Variants in DIP2C observed in about 807,000 individuals in gnomAD.
DIP2C encodes DIP2 acetate--CoA ligase C (putative).
DIP2C carries 33 observed loss-of-function variants against 192.4 expected under a neutral mutation model. The ratio of observed to expected loss-of-function variants is 0.17; its 90% confidence interval spans 0.13 to 0.23. The LOEUF is 0.23. Ranked by LOEUF, DIP2C falls within the 10% of genes least tolerant of loss-of-function variation. The pLI, the probability that DIP2C is intolerant of heterozygous loss-of-function variation, is 1.00. For missense variants in DIP2C, 1,537 were observed against 2,110.1 expected, an observed-to-expected ratio of 0.73 and a Z score of 5.32; for synonymous variants, 979 against 864.1, an observed-to-expected ratio of 1.13 and a Z score of -2.33.
At chr10:359,228 T>G (rs1959198287) in intron 22 of DIP2C, among the ~76,000 whole-genome samples, 1 of 152,222 alleles carries the variant, frequency 6.6e-6, no homozygotes, top group African/African-American at 2.4e-5. Flanking sequence ...AGTCAGGGCC[T>G]GACGTCCTCT....
chr10:622,094 A>G (rs947814830), intron 1 of DIP2C, among the ~76,000 whole-genome samples: 59 of 151,304 alleles, frequency 3.9e-4, no homozygotes, highest in Non-Finnish European at 1.0e-4. Flanking sequence ...TTTAGGACAC[A>G]TTAAGGAAAG....
In DIP2C at chr10:415,837, G is replaced by T. The variant is rs1428309206; in HGVS notation, c.791C>A (p.Thr264Asn). 1 of 1,613,806 alleles carries T rather than the reference G, an allele frequency of 6.2e-7. No homozygotes were observed. Among genetic ancestry groups the T allele is most frequent in the Non-Finnish European group, 8.5e-7 (1 of 1,179,970 alleles). The change falls in exon 7 of 37, where the codon ACC becomes AAC. Residue 264 changes from threonine (T) to asparagine (N), a missense_variant. This residue lies in a region of DIP2C where 473 missense variants were observed against 539.6 expected (regional missense o/e 0.88). Coordinates refer to ENST00000280886, the MANE Select transcript of DIP2C (RefSeq NM_014974.3). ...AGGTGGTCGTTTCGGTCGTTTGAGG[G>T]TATTGACAAGCTGCTGGATTTTTGC... ...VSAKIQQLVN[T>N]LKRPKRPPLR...
At chr10:580,130 G>A (rs907464079) in intron 1 of DIP2C, among the ~76,000 whole-genome samples, 13 of 152,208 alleles carry the variant, frequency 8.5e-5, no homozygotes, top group East Asian at 1.9e-4. Context: ...CTATATACAT[G>A]CATATAGTGT....
At chr10:345,307 C>T (rs981618522) in intron 26 of DIP2C, among the ~76,000 whole-genome samples, 197 bp from the exon 27 acceptor site, 2 of 152,260 alleles carry the variant, frequency 1.3e-5, no homozygotes, top group Non-Finnish European at 2.9e-5. Context: ...GCAGGGCATG[C>T]GGCCTGAAGC....
At chr10:307,467 TGGAGGA>T (rs1956374081) in intron 32 of DIP2C, among the ~76,000 whole-genome samples, 4 of 151,912 alleles carry the variant, frequency 2.6e-5, no homozygotes, top group African/African-American at 9.7e-5. Context: ...GGGGCTGGCT[TGGAGGA>T]CTGGAGAAAA....
At chr10:539,510 CTTGG>C (rs900624445) in intron 1 of DIP2C, among the ~76,000 whole-genome samples, 8 of 152,188 alleles carry the variant, frequency 5.3e-5, no homozygotes, top group Admixed American at 4.6e-4. Context: ...GCCCACAGAC[CTTGG>C]TATCCATAGG....
chr10:330,117 C>G (rs561159796), intron 29 of DIP2C, among the ~76,000 whole-genome samples: 2 of 152,186 alleles, frequency 1.3e-5, no homozygotes, highest in South Asian at 4.2e-4. Flanking sequence ...AAAATATTTA[C>G]CAAACAGCAA....
chr10:470,260 TTG>T (rs1970522542), intron 3 of DIP2C, among the ~76,000 whole-genome samples: 1 of 151,912 alleles, frequency 6.6e-6, no homozygotes, highest in African/African-American at 2.4e-5. Context: ...ACGGGAGAGA[TTG>T]TGTGTGAAGA....
intron 1 of DIP2C, among the ~76,000 whole-genome samples, chr10:640,329 T>C (rs1027793342): frequency 2.1e-4 from 32 of 152,278 alleles, no homozygotes; most frequent in African/African-American, 7.7e-4. Context: ...GATGGCCAAG[T>C]GTTAGATAAT....
intron 34 of DIP2C, among the ~76,000 whole-genome samples, chr10:284,459 G>A (rs1048084142): frequency 4.6e-5 from 7 of 152,340 alleles, no homozygotes; most frequent in Non-Finnish European, 7.3e-5. Flanking sequence ...CAGCATGGAT[G>A]TACCTGGAAG....
At chr10:337,774 A>G (rs12773603) in intron 29 of DIP2C, among the ~76,000 whole-genome samples, 126,125 of 129,854 alleles carry the variant, frequency 0.97, 61,266 homozygotes, top group Non-Finnish European at 0.99. Flanking sequence ...GTGTTCTGTG[A>G]AGGCCTAGGC....
At chr10:662,343 C>T (rs1463426568) in intron 1 of DIP2C, among the ~76,000 whole-genome samples, 1 of 152,220 alleles carries the variant, frequency 6.6e-6, no homozygotes, top group Admixed American at 6.5e-5. Flanking sequence ...TGCCAGATAA[C>T]GCGGACAAAG....
intron 1 of DIP2C, among the ~76,000 whole-genome samples, chr10:585,699 C>CT (rs1850980921): frequency 6.6e-6 from 1 of 152,180 alleles, no homozygotes; most frequent in African/African-American, 2.4e-5. Flanking sequence ...AACCACCACT[C>CT]TGCTCTCTAC....
At chr10:465,731 T>C (rs1006173707) in intron 3 of DIP2C, among the ~76,000 whole-genome samples, 8 of 151,768 alleles carry the variant, frequency 5.3e-5, no homozygotes, top group African/African-American at 1.2e-4. Flanking sequence ...ACAAGCATTC[T>C]TATACACCAA....
At chr10:422,580 G>A (rs551798552) in intron 5 of DIP2C, among the ~76,000 whole-genome samples, 2 of 152,316 alleles carry the variant, frequency 1.3e-5, no homozygotes, top group South Asian at 4.1e-4. Flanking sequence ...AGAAAAGATG[G>A]GAGCGGATAC....
intron 1 of DIP2C, among the ~76,000 whole-genome samples, chr10:553,531 G>C (rs1246917368): frequency 6.6e-6 from 1 of 152,222 alleles, no homozygotes; most frequent in African/African-American, 2.4e-5. Flanking sequence ...ATAATGAACT[G>C]AAAGTTAAGT....
intron 2 of DIP2C, among the ~76,000 whole-genome samples, chr10:481,121 C>T (rs1843572065): frequency 6.6e-6 from 1 of 152,112 alleles, no homozygotes; most frequent in Admixed American, 6.5e-5. Context: ...CATGGCACAA[C>T]AAGAATACGG....
intron 1 of DIP2C, among the ~76,000 whole-genome samples, chr10:596,564 C>T (rs1185986885): frequency 2.0e-5 from 3 of 149,804 alleles, no homozygotes; most frequent in Admixed American, 2.0e-4. Flanking sequence ...ATCATTCTGC[C>T]ACCGAGGTAT....
intron 30 of DIP2C, among the ~76,000 whole-genome samples, chr10:328,439 G>A (rs569651765): frequency 1.3e-5 from 2 of 152,186 alleles, no homozygotes; most frequent in Admixed American, 6.5e-5. Context: ...GAGAGCTATT[G>A]TAAGGATGAA....
Sources: gnomAD v4.1 joint callset for allele counts (sites outside exome capture counted in the v4.1 genomes callset) on GRCh38, gnomAD v4.1.1 for gene constraint, gnomAD v4.1.1 regional missense constraint, MANE v1.5 for transcripts, NCBI Gene and HGNC (gene_info 2026-07-23, HGNC 2026-07-21) for gene names.